The following ARL6IP6 variants were observed in gnomAD, a reference collection of about 807,000 sequenced individuals.
ARL6IP6 encodes ARF like GTPase 6 interacting protein 6, also known as ADP-ribosylation factor-like protein 6-interacting protein 6.
A neutral mutation model predicts 21.5 loss-of-function variants in ARL6IP6; 22 were observed. That is an observed-to-expected ratio of 1.02 (90% CI 0.73 to 1.46). The LOEUF (loss-of-function observed/expected upper bound fraction) is 1.46, where lower values mean the gene tolerates loss of function less well. ARL6IP6 is among the 40% of genes most tolerant of loss of function. The pLI is 0.00. For synonymous variants in ARL6IP6, 164 were observed against 125.3 expected (o/e 1.31, Z -2.06); for missense variants, 388 against 299.8 (o/e 1.29, Z -2.17).
rs747419749 is a variant in ARL6IP6, at chr2:152,735,135, T to A, written c.587+9T>A. The A allele has an allele frequency of 3.7e-6, 6 of 1,612,170 alleles. No individual in the cohort carries two copies. In the Admixed American group the frequency reaches 5.0e-5, roughly 13 times the overall value. On this transcript the variant is annotated intron_variant, in intron 3 of 3. Transcript: ENST00000326446. ...TCACCTGCCAGGTTCAAGTAAGTAT[T>A]CCTGTTTCCTGTTTCTTTTTTAAAT...
intron 1 of ARL6IP6, among the ~76,000 whole-genome samples, chr2:152,719,716 A>T (rs1699638551): frequency 6.7e-6 from 1 of 148,484 alleles, no homozygotes. Flanking sequence ...TTAAATTTCC[A>T]TTCTCACTAG....
At chr2:152,738,489 A>G (rs987367949) in intron 3 of ARL6IP6, among the ~76,000 whole-genome samples, 1 of 152,218 alleles carries the variant, frequency 6.6e-6, no homozygotes, top group Non-Finnish European at 1.5e-5. Flanking sequence ...CTGAACATCT[A>G]GGCGTTTCCA....
chr2:152,746,001 CTTTTTTTTTTTTTTTTTTTT>C (rs67760283), intron 3 of ARL6IP6, among the ~76,000 whole-genome samples: 2 of 66,380 alleles, frequency 3.0e-5, no homozygotes, highest in Non-Finnish European at 2.4e-5. Context: ...TGCTTTGTAC[CTTTTTTTTTTTTTTTTTTTT>C]TTTTTTTTTT....
In ARL6IP6 at chr2:152,760,280, C is replaced by T. The variant is rs1701776383; in HGVS notation, c.*440C>T. The T allele has an allele frequency of 6.5e-6, 1 of 152,780 alleles. No individual in the cohort carries two copies. The highest frequency in any genetic ancestry group is 1.5e-5 in the Non-Finnish European group (1 of 68,198). 9.5% of individuals were successfully genotyped at this position (152,780 alleles called of 1,614,324 possible). A position where few individuals can be genotyped will look rare whatever the true frequency, so the allele number is the denominator to read the frequency against. On this transcript the variant is annotated 3_prime_UTR_variant, in exon 4 of 4. Coordinates refer to ENST00000326446, the MANE Select transcript of ARL6IP6 (RefSeq NM_152522.7). ...CTTCTTATTTATACATTTAGGAAAG[C>T]AAATAATGCCTACTACTCCGACTTT...
rs1487546497 is a variant in ARL6IP6, at chr2:152,760,685, C to G, written c.*845C>G. 6.6e-6 allele frequency: 1 copy of G among 151,552 alleles called. No individual in the cohort carries two copies. Among genetic ancestry groups the G allele is most frequent in the Non-Finnish European group, 1.5e-5 (1 of 67,852 alleles). The allele number at this position is 151,552 out of a possible 1,614,324, so 9.4% of individuals were successfully genotyped here. A position where few individuals can be genotyped will look rare whatever the true frequency, so the allele number is the denominator to read the frequency against. On this transcript the variant is annotated 3_prime_UTR_variant, in exon 4 of 4. Transcript: ENST00000326446. ...TTTACTATTTCTGTTTCCACAATTC[C>G]AAATATTTATCTTGGTGTATATATT...
intron 3 of ARL6IP6, among the ~76,000 whole-genome samples, chr2:152,741,403 T>A (rs958196555): frequency 6.6e-6 from 1 of 152,034 alleles, no homozygotes; most frequent in African/African-American, 2.4e-5. Flanking sequence ...CCTGGGTTTT[T>A]TTTTTTTTAA....
chr2:152,739,132 A>G (rs1354953840), intron 3 of ARL6IP6, among the ~76,000 whole-genome samples: 1 of 151,016 alleles, frequency 6.6e-6, no homozygotes, highest in Non-Finnish European at 1.5e-5. Flanking sequence ...ACAGGCGCCC[A>G]CCACCACGCC....
At chr2:152,746,743 A>G (rs889373110) in intron 3 of ARL6IP6, among the ~76,000 whole-genome samples, 1 of 151,254 alleles carries the variant, frequency 6.6e-6, no homozygotes, top group Non-Finnish European at 1.5e-5. Flanking sequence ...TTGAGCTGGA[A>G]GTCTGACCAT....
intron 1 of ARL6IP6, among the ~76,000 whole-genome samples, chr2:152,719,638 T>G (rs1699628020): frequency 6.6e-6 from 1 of 152,250 alleles, no homozygotes; most frequent in South Asian, 2.1e-4. Flanking sequence ...TGAAGTTTAT[T>G]GCAAGGCATA....
intron 1 of ARL6IP6, chr2:152,720,224 G>A (rs1574007543): frequency 2.6e-6 from 1 of 391,616 alleles, no homozygotes; most frequent in South Asian, 2.5e-5. Context: ...ACATTGAACT[G>A]TGCTTATTTG....
In ARL6IP6 at chr2:152,720,563, A is replaced by G. The variant is rs1488674819; in HGVS notation, c.431A>G (p.Asp144Gly). 1 of 1,613,964 alleles carries G rather than the reference A, an allele frequency of 6.2e-7. No individual in the cohort carries two copies. Among genetic ancestry groups the G allele is most frequent in the South Asian group, 1.1e-5 (1 of 91,082 alleles). The change falls in exon 2 of 4, where the codon GAT (aspartate) becomes GGT (glycine). Residue 144 changes from aspartate to glycine, a missense_variant. Coordinates refer to ENST00000326446, the MANE Select transcript of ARL6IP6 (RefSeq NM_152522.7). ...ELHAENLKNEDDVDTGLLGFW... is the reference protein window; with the variant it reads ...ELHAENLKNEGDVDTGLLGFW... ...CATGCTGAGAATTTGAAAAATGAAG[A>G]TGATGTAGACACTGGACTATTAGGT...
upstream of ARL6IP6, chr2:152,717,893 C>G (rs1252327964): frequency 3.9e-6 from 4 of 1,014,344 alleles, no homozygotes; most frequent in Non-Finnish European, 4.7e-6. Context: ...TTAGCGGTGG[C>G]TGGGACCGAA....
intron 3 of ARL6IP6, among the ~76,000 whole-genome samples, chr2:152,759,100 A>T (rs1701715281): frequency 6.6e-6 from 1 of 152,192 alleles, no homozygotes; most frequent in South Asian, 2.1e-4. Flanking sequence ...TAAGATTGTT[A>T]CAAGATAAAG....
At chr2:152,747,548 T>C (rs1395220890) in intron 3 of ARL6IP6, among the ~76,000 whole-genome samples, 1 of 152,108 alleles carries the variant, frequency 6.6e-6, no homozygotes, top group Non-Finnish European at 1.5e-5. Flanking sequence ...CAGTACTGAC[T>C]CCTTACTCAT....
intron 3 of ARL6IP6, among the ~76,000 whole-genome samples, chr2:152,743,575 A>G (rs997117500): frequency 2.0e-5 from 3 of 152,184 alleles, no homozygotes; most frequent in African/African-American, 4.8e-5. Flanking sequence ...CCTAGCATGT[A>G]ATGATTTCCG....
chr2:152,740,834 TACAC>T (rs952008406), intron 3 of ARL6IP6, among the ~76,000 whole-genome samples: 3 of 151,958 alleles, frequency 2.0e-5, no homozygotes, highest in Admixed American at 6.6e-5. Flanking sequence ...GTGAAATATT[TACAC>T]ACACACACAA....
intron 1 of ARL6IP6, chr2:152,719,844 A>G (rs895575355): frequency 2.2e-6 from 1 of 455,296 alleles, no homozygotes; most frequent in African/African-American, 2.0e-5. Context: ...TACTTCATTA[A>G]ATATAATTAA....
intron 3 of ARL6IP6, among the ~76,000 whole-genome samples, chr2:152,754,697 C>A (rs1039856318): frequency 1.3e-5 from 2 of 152,188 alleles, no homozygotes; most frequent in Non-Finnish European, 2.9e-5. Context: ...TTCAGGACTT[C>A]TGATTTCCCC....
intron 3 of ARL6IP6, among the ~76,000 whole-genome samples, chr2:152,737,454 T>G (rs1319886612): frequency 6.6e-6 from 1 of 152,214 alleles, no homozygotes; most frequent in East Asian, 1.9e-4. Context: ...GGCCTCAATT[T>G]TCCATGTATT....
Sources: gnomAD v4.1 joint callset for allele counts (sites outside exome capture counted in the v4.1 genomes callset) on GRCh38, gnomAD v4.1.1 for gene constraint, MANE v1.5 for transcripts, NCBI Gene and HGNC (gene_info 2026-07-23, HGNC 2026-07-21) for gene names.